PTPRT: variants seen among roughly 807,000 people sequenced by gnomAD.
The protein encoded by PTPRT is protein tyrosine phosphatase receptor type T.
A neutral mutation model predicts 176.8 loss-of-function variants in PTPRT; 56 were observed. That is an observed-to-expected ratio of 0.32 (90% confidence interval 0.26 to 0.40). The LOEUF (loss-of-function observed/expected upper bound fraction) is 0.40. Ranked by LOEUF, PTPRT falls within the 10% of genes least tolerant of loss-of-function variation. PTPRT has a pLI of 1.00. For synonymous variants in PTPRT, 783 were observed against 739.0 expected (o/e 1.06, Z -0.96); for missense variants, 1,540 against 1,908.2 (o/e 0.81, Z 3.60).
At chr20:42,596,961 T>G (rs66568688) in intron 7 of PTPRT, among the ~76,000 whole-genome samples, 27,649 of 152,132 alleles carry the variant, frequency 0.18, 3,082 homozygotes, top group African/African-American at 0.31. Context: ...AACTATAAAT[T>G]TAGTGGCTTA....
chr20:42,690,611 A>G (rs1017251530), intron 6 of PTPRT, among the ~76,000 whole-genome samples: 2 of 152,118 alleles, frequency 1.3e-5, no homozygotes, highest in Admixed American at 1.3e-4. Flanking sequence ...GTCTACCTCA[A>G]TTTCCCTGTG....
chr20:43,062,626 T>G (rs1459695678), intron 1 of PTPRT, among the ~76,000 whole-genome samples: 1 of 152,200 alleles, frequency 6.6e-6, no homozygotes, highest in Non-Finnish European at 1.5e-5. Context: ...GCTAGAAGAA[T>G]AATCAAGAAT....
At chr20:42,395,793 T>C (rs1432487601) in intron 9 of PTPRT, among the ~76,000 whole-genome samples, 1 of 152,168 alleles carries the variant, frequency 6.6e-6, no homozygotes, top group East Asian at 1.9e-4. Context: ...TTTTTATTAC[T>C]TGGCTTCCTG....
chr20:42,451,509 GA>G (rs766656092), intron 8 of PTPRT, among the ~76,000 whole-genome samples: 3 of 149,968 alleles, frequency 2.0e-5, no homozygotes, highest in African/African-American at 4.9e-5. Context: ...ATAGAGCAGA[GA>G]AAAAAAAATA....
Position 42,978,349 on chromosome 20 carries a change from G to A in PTPRT, c.89-92417C>T, listed in dbSNP as rs149918500. On this transcript the variant is annotated intron_variant, in intron 1 of 30. Coordinates refer to ENST00000373187, the MANE Select transcript of PTPRT (RefSeq NM_007050.6). ...CTATTTTCAGACCACAGGTGAATTC[G>A]GGTAACTGAAACCACAGAAAGCAAA... 4.9e-4 allele frequency among the ~76,000 whole-genome samples: 74 copies of A among 152,182 alleles called. 1 individual carries two copies. Among genetic ancestry groups the A allele is most frequent in the African/African-American group, 1.6e-3 (67 of 41,512 alleles).
intron 9 of PTPRT, among the ~76,000 whole-genome samples, chr20:42,380,666 T>C (rs1352020325): frequency 1.3e-5 from 2 of 152,202 alleles, no homozygotes; most frequent in East Asian, 1.9e-4. Flanking sequence ...TAGCTTTGCA[T>C]TGCACTTATC....
At chr20:43,078,758 C>T (rs2011352715) in intron 1 of PTPRT, among the ~76,000 whole-genome samples, 1 of 152,198 alleles carries the variant, frequency 6.6e-6, no homozygotes, top group Admixed American at 6.5e-5. Flanking sequence ...AAGCCCACAA[C>T]CAGTTGCAAT....
At chr20:42,646,961 C>G (rs1013042695) in intron 7 of PTPRT, among the ~76,000 whole-genome samples, 2 of 127,520 alleles carry the variant, frequency 1.6e-5, no homozygotes, top group Admixed American at 1.0e-4. Flanking sequence ...GTGGCGTGAA[C>G]GTGGTTCACT....
intron 1 of PTPRT, among the ~76,000 whole-genome samples, chr20:42,953,552 A>G (rs1981399928): frequency 6.6e-6 from 1 of 152,152 alleles, no homozygotes; most frequent in African/African-American, 2.4e-5. Context: ...TGGCGGGGGA[A>G]GTATCTTCTC....
At chr20:42,773,846 CTG>C (rs1294137687) in intron 4 of PTPRT, among the ~76,000 whole-genome samples, 1 of 152,166 alleles carries the variant, frequency 6.6e-6, no homozygotes, top group Admixed American at 6.5e-5. Context: ...CTGGGAAACT[CTG>C]TGTTTAGTTT....
chr20:42,472,122 C>T, intron 8 of PTPRT, 144 bp downstream of exon 8: 1 of 910,478 alleles, frequency 1.1e-6, no homozygotes, highest in Non-Finnish European at 1.6e-6. Flanking sequence ...TTTACATAGT[C>T]CTTCATTGAA....
chr20:42,555,517 G>C (rs2072845386), intron 7 of PTPRT, among the ~76,000 whole-genome samples: 1 of 152,164 alleles, frequency 6.6e-6, no homozygotes. Flanking sequence ...TCCCAATAGG[G>C]AAGTCAGGGA....
At chr20:42,426,984 T>C (rs572576383) in intron 9 of PTPRT, among the ~76,000 whole-genome samples, 1 of 152,124 alleles carries the variant, frequency 6.6e-6, no homozygotes, top group Non-Finnish European at 1.5e-5. Context: ...CCACAGTAGC[T>C]GTCAAACATG....
At chr20:42,722,822 G>C (rs1569111604) in intron 6 of PTPRT, among the ~76,000 whole-genome samples, 1 of 152,146 alleles carries the variant, frequency 6.6e-6, no homozygotes, top group Non-Finnish European at 1.5e-5. Flanking sequence ...TGACATACAG[G>C]ACAGCACAGA....
intron 17 of PTPRT, 124 bp from the exon 18 acceptor site, chr20:42,142,126 C>T: frequency 1.3e-6 from 1 of 778,468 alleles, no homozygotes; most frequent in South Asian, 1.5e-5. Context: ...GGATAGATGT[C>T]CTTGGATGGG....
intron 16 of PTPRT, among the ~76,000 whole-genome samples, chr20:42,168,748 G>T (rs34146816): frequency 0.053 from 8,034 of 152,264 alleles, 381 homozygotes; most frequent in East Asian, 0.21. Flanking sequence ...TGAAGCAGTT[G>T]GCTTGTGCTT....
intron 1 of PTPRT, among the ~76,000 whole-genome samples, chr20:42,934,348 A>G (rs1022136304): frequency 5.3e-5 from 8 of 152,360 alleles, no homozygotes; most frequent in Non-Finnish European, 1.0e-4. Flanking sequence ...TCAAACAAAG[A>G]AAAAGAAGTC....
chr20:42,668,739 T>C (rs2075361204), intron 7 of PTPRT, among the ~76,000 whole-genome samples: 1 of 150,980 alleles, frequency 6.6e-6, no homozygotes, highest in African/African-American at 2.4e-5. Context: ...TCGTCCAGGC[T>C]GGAGTACAGT....
chr20:43,059,989 T>C (rs1987388278), intron 1 of PTPRT, among the ~76,000 whole-genome samples: 2 of 149,438 alleles, frequency 1.3e-5, no homozygotes, highest in South Asian at 2.2e-4. Context: ...AGTGAGACTT[T>C]GTCTAAAAAA....
Sources: gnomAD v4.1 joint callset for allele counts (sites outside exome capture counted in the v4.1 genomes callset) on GRCh38, gnomAD v4.1.1 for gene constraint, MANE v1.5 for transcripts, NCBI Gene and HGNC (gene_info 2026-07-23, HGNC 2026-07-21) for gene names.